Variants in CTNNA2 observed in about 807,000 individuals in gnomAD.
CTNNA2 encodes the protein catenin alpha 2.
Under a neutral mutation model 101.0 loss-of-function variants are expected in CTNNA2, and 42 were observed. That is an observed-to-expected ratio of 0.42 (90% CI 0.32 to 0.54). The LOEUF is 0.54. CTNNA2 is among the 20% of genes least tolerant of loss of function. The pLI, the probability that CTNNA2 is intolerant of heterozygous loss-of-function variation, is 0.14. For missense variants in CTNNA2, 871 were observed against 1,223.1 expected, an observed-to-expected ratio of 0.71 and a Z score of 4.29; for synonymous variants, 450 against 456.4, an observed-to-expected ratio of 0.99 and a Z score of 0.18.
intron 6 of CTNNA2, among the ~76,000 whole-genome samples, chr2:79,900,162 CTT>C (rs1193297032): frequency 6.6e-6 from 1 of 151,972 alleles, no homozygotes; most frequent in Non-Finnish European, 1.5e-5. Flanking sequence ...CTATAGGTGT[CTT>C]TCATTCTCAA....
At position 80,302,008 on chromosome 2, in the gene CTNNA2, A is replaced by G. The variant is rs779175521; in HGVS notation, c.1057-91203A>G. Reference sequence around the variant, plus strand: ...TTCAAAGGGAGGAAGGAGTTCTCATATGAAATTTAAGATAGACTGTCCTGA... The same window carrying G: ...TTCAAAGGGAGGAAGGAGTTCTCATGTGAAATTTAAGATAGACTGTCCTGA... On this transcript the variant is annotated intron_variant, in intron 7 of 18. Transcript: ENST00000402739. This position sits in a 1 kb window ranked among gnomAD's most constrained non-coding sequence, Gnocchi z 6.4. 46 of 432,216 alleles carry G rather than the reference A, an allele frequency of 1.1e-4. No homozygotes were observed. Among genetic ancestry groups the G allele is most frequent in the Non-Finnish European group, 1.7e-4 (41 of 248,064 alleles). 26.8% of individuals were successfully genotyped at this position (432,216 alleles called of 1,614,324 possible).
chr2:80,525,947 A>AT, intron 9 of CTNNA2, among the ~76,000 whole-genome samples: 1 of 152,240 alleles, frequency 6.6e-6, no homozygotes, highest in Middle Eastern at 3.4e-3. Context: ...AAGTAATTTC[A>AT]TTTTTTGCCA....
At chr2:80,040,938 T>C (rs2104268246) in intron 7 of CTNNA2, among the ~76,000 whole-genome samples, 1 of 152,288 alleles carries the variant, frequency 6.6e-6, no homozygotes, top group East Asian at 1.9e-4. Context: ...AATTAGAAAT[T>C]ACTAATGGCA....
chr2:79,482,891 G>T (rs1460461375), intron 4 of CTNNA2, among the ~76,000 whole-genome samples: 1 of 152,130 alleles, frequency 6.6e-6, no homozygotes, highest in African/African-American at 2.4e-5. Flanking sequence ...CAATGCTGCT[G>T]GCATCCAGTG....
chr2:80,628,505 G>T (rs1573504748), intron 18 of CTNNA2, among the ~76,000 whole-genome samples: 4 of 151,526 alleles, frequency 2.6e-5, no homozygotes, highest in Admixed American at 2.6e-4. Context: ...AATAAATAGT[G>T]TTGGGAAAAC....
At chr2:80,069,208 C>A (rs1698173743) in intron 7 of CTNNA2, among the ~76,000 whole-genome samples, 1 of 152,104 alleles carries the variant, frequency 6.6e-6, no homozygotes, top group African/African-American at 2.4e-5. Context: ...GGACCCTCAG[C>A]ATATTGGAAG....
chr2:79,398,681 G>A (rs1540544), intron 4 of CTNNA2, among the ~76,000 whole-genome samples: 67 of 151,304 alleles, frequency 4.4e-4, no homozygotes, highest in Admixed American at 5.9e-4. Flanking sequence ...TAAGAATCAG[G>A]TTCAACTATT....
chr2:79,902,629 C>T (rs1574270890), intron 6 of CTNNA2, among the ~76,000 whole-genome samples: 1 of 142,324 alleles, frequency 7.0e-6, no homozygotes, highest in African/African-American at 2.6e-5. Flanking sequence ...TCTTCCTCTT[C>T]TTTTTTTTTT....
intron 7 of CTNNA2, among the ~76,000 whole-genome samples, chr2:80,090,146 CTG>C (rs35203371): frequency 0.32 from 43,872 of 138,642 alleles, 6,695 homozygotes; most frequent in Non-Finnish European, 0.44. Flanking sequence ...CTCTCTCTCT[CTG>C]TGTGTGTGTG....
intron 7 of CTNNA2, among the ~76,000 whole-genome samples, chr2:79,981,566 CCTAACT>C (rs1377121356): frequency 1.3e-5 from 2 of 152,090 alleles, no homozygotes; most frequent in Non-Finnish European, 2.9e-5. Context: ...ATTACAGACT[CCTAACT>C]CTAACATGTA....
chr2:79,772,429 A>G (rs535665598), intron 3 of CTNNA2, among the ~76,000 whole-genome samples: 18 of 152,166 alleles, frequency 1.2e-4, no homozygotes, highest in Non-Finnish European at 2.5e-4. Flanking sequence ...AGATGGCAAG[A>G]TAGTGGTTTA....
At chr2:80,592,956 T>C (rs1696639945) in intron 15 of CTNNA2, among the ~76,000 whole-genome samples, 1 of 152,172 alleles carries the variant, frequency 6.6e-6, no homozygotes, top group Admixed American at 6.6e-5. Context: ...ACTTTCTTTT[T>C]TGGAGTGACC....
chr2:80,233,026 G>A (rs6723144), intron 7 of CTNNA2, among the ~76,000 whole-genome samples: 18,880 of 152,066 alleles, frequency 0.12, 2,728 homozygotes, highest in African/African-American at 0.36. Context: ...AAAATATTCT[G>A]TGACTGTTGC....
At chr2:80,557,574 C>T (rs1410067820) in intron 12 of CTNNA2, among the ~76,000 whole-genome samples, 1 of 152,106 alleles carries the variant, frequency 6.6e-6, no homozygotes, top group Non-Finnish European at 1.5e-5. Context: ...TCAGTTCCTG[C>T]CCACTCATGA....
intron 1 of CTNNA2, among the ~76,000 whole-genome samples, chr2:79,527,711 A>G (rs1317369364): frequency 6.6e-6 from 1 of 152,088 alleles, no homozygotes; most frequent in Non-Finnish European, 1.5e-5. Context: ...TGTAAATTTA[A>G]GGGGGAATAT....
chr2:79,910,815 A>G (rs913427868), intron 7 of CTNNA2, among the ~76,000 whole-genome samples: 16 of 152,182 alleles, frequency 1.1e-4, no homozygotes, highest in African/African-American at 3.9e-4. Context: ...CACTCCCATC[A>G]TGAGTAAAAA....
intron 7 of CTNNA2, among the ~76,000 whole-genome samples, chr2:80,056,580 A>G (rs1018460555): frequency 3.3e-5 from 5 of 152,242 alleles, no homozygotes; most frequent in South Asian, 2.1e-4. Flanking sequence ...CCTGGTTACC[A>G]TACCATAAAC....
intron 1 of CTNNA2, among the ~76,000 whole-genome samples, chr2:79,522,882 CT>C (rs1672195979): frequency 6.6e-6 from 1 of 152,102 alleles, no homozygotes; most frequent in Non-Finnish European, 1.5e-5. Context: ...CATGTTTTGT[CT>C]TTTGCACTTA....
intron 4 of CTNNA2, among the ~76,000 whole-genome samples, chr2:79,439,234 C>A (rs1558666821): frequency 6.6e-6 from 1 of 152,082 alleles, no homozygotes; most frequent in Non-Finnish European, 1.5e-5. Context: ...ATTTTTTAGG[C>A]ATAAAAAGAA....
Sources: allele counts gnomAD v4.1 joint callset (sites outside exome capture counted in the v4.1 genomes callset), GRCh38; gene constraint gnomAD v4.1.1; non-coding constraint Gnocchi (gnomAD v3.1); transcripts MANE v1.5; gene names NCBI Gene and HGNC (gene_info 2026-07-23, HGNC 2026-07-21).